Variants in FHL1 observed in about 807,000 individuals in gnomAD.
FHL1 encodes the protein four and a half LIM domains 1, also known as four and a half LIM domains protein 1.
A neutral mutation model predicts 20.3 loss-of-function variants in FHL1; 1 was observed. The ratio of observed to expected loss-of-function variants is 0.05; its 90% confidence interval spans 0.02 to 0.23. The LOEUF (loss-of-function observed/expected upper bound fraction) is 0.23. Among genes scored for constraint, FHL1 ranks in the 10% least tolerant of loss-of-function variants. FHL1 has a pLI of 1.00. For synonymous variants in FHL1, 82 were observed against 88.9 expected, an observed-to-expected ratio of 0.92 and a Z score of 0.44; for missense variants, 177 against 234.0, an observed-to-expected ratio of 0.76 and a Z score of 1.59.
chrX:136,150,029 G>A (rs932870202), intron 1 of FHL1, among the ~76,000 whole-genome samples: 1 of 111,891 alleles, frequency 8.9e-6, no homozygotes, highest in Admixed American at 9.5e-5. Context: ...AGAGAAGCAT[G>A]TTGATAGGAA....
At chrX:136,201,999 A>C (rs2073722794) in intron 1 of FHL1, among the ~76,000 whole-genome samples, 1 of 112,324 alleles carries the variant, frequency 8.9e-6, no homozygotes, top group Non-Finnish European at 1.9e-5. Context: ...TAAGGGGATA[A>C]AAAATTATTC....
chrX:136,180,774 C>T (rs186315685), intron 2 of FHL1, among the ~76,000 whole-genome samples: 148 of 85,994 alleles, frequency 1.7e-3, no homozygotes, highest in African/African-American at 5.3e-3. Context: ...CAGAGTCTCA[C>T]TCTCTCGCCC....
intron 1 of FHL1, chrX:136,169,804 TGAGCCATTTCATAG>T (rs1368607191): frequency 1.3e-4 from 43 of 329,981 alleles, no homozygotes; most frequent in African/African-American, 1.1e-3. Context: ...TGTGTTACCA[TGAGCCATTTCATAG>T]GAAGTTGACT....
chrX:136,208,061 C>T, intron 4 of FHL1, 100 bp downstream of exon 4: 1 of 988,395 alleles, frequency 1.0e-6, no homozygotes, highest in Non-Finnish European at 1.4e-6. Context: ...ATCCTCACGA[C>T]AGCCCTGTGA....
upstream of FHL1, among the ~76,000 whole-genome samples, chrX:136,166,069 TGTCAAC>T (rs1319110046): frequency 1.8e-5 from 2 of 112,148 alleles, no homozygotes; most frequent in Non-Finnish European, 3.8e-5. Context: ...TGCACAATGT[TGTCAAC>T]GTAATTTATA....
chrX:136,153,291 G>GA (rs1037026005), intron 1 of FHL1, among the ~76,000 whole-genome samples: 3 of 100,871 alleles, frequency 3.0e-5, no homozygotes, highest in Non-Finnish European at 4.1e-5. Context: ...AGGTGGGGGG[G>GA]GGCAGGAAAA....
At chrX:136,193,100 A>G (rs2073470692), upstream of FHL1, among the ~76,000 whole-genome samples, 2 of 109,808 alleles carry the variant, frequency 1.8e-5, no homozygotes, top group African/African-American at 3.3e-5. Flanking sequence ...AAAAAAAACA[A>G]CTGGACATGA....
chrX:136,167,562 C>T (rs1417260351), upstream of FHL1, among the ~76,000 whole-genome samples: 2 of 111,014 alleles, frequency 1.8e-5, no homozygotes, highest in Non-Finnish European at 3.8e-5. Flanking sequence ...ACAGGACTAA[C>T]AAAACCTAAC....
intron 2 of FHL1, among the ~76,000 whole-genome samples, chrX:136,190,764 C>T (rs187821489): frequency 6.3e-5 from 7 of 111,952 alleles, no homozygotes; most frequent in African/African-American, 2.3e-4. Flanking sequence ...CTTGCTAATA[C>T]GGTACAAGGA....
chrX:136,170,735 TGCCCCGG>T (rs1179496871), intron 2 of FHL1, among the ~76,000 whole-genome samples: 1 of 110,807 alleles, frequency 9.0e-6, no homozygotes, highest in African/African-American at 3.3e-5. Flanking sequence ...TCCTTTTTGG[TGCCCCGG>T]TCTCTGTGCG....
chrX:136,168,694 C>T (rs1331641668), upstream of FHL1, among the ~76,000 whole-genome samples: 1 of 111,662 alleles, frequency 9.0e-6, no homozygotes, highest in Non-Finnish European at 1.9e-5. Flanking sequence ...TATCTTCAGC[C>T]TTTTCTTCCT....
At chrX:136,207,270 G>C in intron 3 of FHL1, 80 bp downstream of exon 3, 1 of 1,020,764 alleles carries the variant, frequency 9.8e-7, no homozygotes, top group Non-Finnish European at 1.3e-6. Flanking sequence ...TATCATGGTG[G>C]GGCTAACGTT....
intron 2 of FHL1, among the ~76,000 whole-genome samples, chrX:136,172,343 A>G (rs2072893504): frequency 8.9e-6 from 1 of 112,729 alleles, no homozygotes; most frequent in African/African-American, 3.2e-5. Context: ...ACAACAAAAA[A>G]ATACCTTTTG....
intron 2 of FHL1, among the ~76,000 whole-genome samples, chrX:136,186,900 A>G (rs965188883): frequency 2.3e-4 from 25 of 106,880 alleles, no homozygotes; most frequent in African/African-American, 7.4e-4. Context: ...AGATAGATAG[A>G]TAGATAGATA....
intron 1 of FHL1, among the ~76,000 whole-genome samples, chrX:136,150,627 C>T (rs2072240590): frequency 1.8e-5 from 2 of 111,829 alleles, no homozygotes; most frequent in Non-Finnish European, 3.8e-5. Flanking sequence ...CTTTTTTGGT[C>T]AGTGGTGTAC....
intron 1 of FHL1, among the ~76,000 whole-genome samples, chrX:136,200,423 AGAG>A (rs2073678949): frequency 1.8e-5 from 2 of 111,954 alleles, no homozygotes; most frequent in East Asian, 2.8e-4. Context: ...CCATGAAAGC[AGAG>A]GAGAATAGGC....
intron 1 of FHL1, among the ~76,000 whole-genome samples, chrX:136,162,414 T>C: frequency 9.0e-6 from 1 of 111,654 alleles, no homozygotes; most frequent in South Asian, 3.8e-4. Context: ...GAAGAGATTC[T>C]GGAAAACGGA....
intron 2 of FHL1, among the ~76,000 whole-genome samples, chrX:136,172,690 T>G (rs2072903778): frequency 1.8e-5 from 2 of 113,312 alleles, no homozygotes; most frequent in Non-Finnish European, 1.9e-5. Flanking sequence ...AATAGTTTAG[T>G]AAAATGGGCT....
chrX:136,193,094 A>AC (rs1424744782), upstream of FHL1, among the ~76,000 whole-genome samples: 32 of 110,957 alleles, frequency 2.9e-4, no homozygotes, highest in Admixed American at 2.2e-3. Flanking sequence ...AAAAAAAAAA[A>AC]AAACAACTGG....
Sources: gnomAD v4.1 joint callset for allele counts (sites outside exome capture counted in the v4.1 genomes callset) on GRCh38, gnomAD v4.1.1 for gene constraint, MANE v1.5 for transcripts, NCBI Gene and HGNC (gene_info 2026-07-23, HGNC 2026-07-21) for gene names.